Variants in KIF21A observed in about 807,000 individuals in gnomAD.
KIF21A encodes kinesin family member 21A.
Under a neutral mutation model 202.9 loss-of-function variants are expected in KIF21A, and 114 were observed. That is an observed-to-expected ratio of 0.56 (90% CI 0.48 to 0.66). KIF21A has a LOEUF of 0.66. Ranked by LOEUF, KIF21A falls within the 30% of genes least tolerant of loss-of-function variation. The probability of loss-of-function intolerance (pLI) is 0.00; values close to 1 mark genes in which losing one functional copy is unlikely to be tolerated. For missense variants in KIF21A, 1,677 were observed against 1,994.9 expected (o/e 0.84, Z 3.04); for synonymous variants, 667 against 670.8 (o/e 0.99, Z 0.09).
chr12:39,321,948 C>CACACAT (rs1301806163), intron 27 of KIF21A: 7 of 152,222 alleles, frequency 4.6e-5, no homozygotes, highest in Admixed American at 4.6e-4. Context: ...TATGTACACA[C>CACACAT]ACACATACAC....
intron 1 of KIF21A, among the ~76,000 whole-genome samples, chr12:39,383,412 T>A (rs1320042122): frequency 6.6e-6 from 1 of 152,214 alleles, no homozygotes; most frequent in Non-Finnish European, 1.5e-5. Context: ...TCCTGCTATA[T>A]CAACAAATGA....
chr12:39,322,942 G>A (rs1272023545), intron 26 of KIF21A, 60 bp from the exon 27 acceptor site: 3 of 1,264,064 alleles, frequency 2.4e-6, no homozygotes, highest in Admixed American at 2.1e-5. Flanking sequence ...AAGCTGATTA[G>A]AGAACAGAGA....
intron 31 of KIF21A, among the ~76,000 whole-genome samples, chr12:39,313,037 T>C (rs571902063): frequency 1.3e-5 from 2 of 151,948 alleles, no homozygotes; most frequent in Non-Finnish European, 2.9e-5. Flanking sequence ...ATCTTCGAGA[T>C]GCAAGAGGGC....
chr12:39,369,586 ACTAT>A, intron 3 of KIF21A, 139 bp downstream of exon 3: 1 of 640,978 alleles, frequency 1.6e-6, no homozygotes, highest in South Asian at 2.0e-5. Flanking sequence ...AGTTATTTCT[ACTAT>A]CTAATGTTAA....
intron 1 of KIF21A, among the ~76,000 whole-genome samples, chr12:39,380,029 G>A (rs796957777): frequency 1.6e-4 from 25 of 152,250 alleles, no homozygotes; most frequent in Admixed American, 1.1e-3. Context: ...GTGCAGTGGC[G>A]CTATCTCTGC....
chr12:39,327,290 T>TA lies in KIF21A; in HGVS notation c.3341-967dup, dbSNP rs148789297. Reference sequence around the variant, plus strand: ...GTTCTCTTCCTTTCTCATTGTTCAGTAATACTTGGTATTATTACCTAAAAT... The same window carrying TA: ...GTTCTCTTCCTTTCTCATTGTTCAGTAAATACTTGGTATTATTACCTAAAAT... On this transcript the variant is annotated intron_variant, in intron 24 of 37. Transcript: ENST00000361418. Among the ~76,000 whole-genome samples the TA allele has an allele frequency of 7.4e-4, 113 of 152,322 alleles. 1 individual carries two copies. Among genetic ancestry groups the TA allele is most frequent in the African/African-American group, 2.7e-3 (112 of 41,578 alleles).
At chr12:39,355,779 C>T (rs542138300) in intron 10 of KIF21A, among the ~76,000 whole-genome samples, 11 of 145,490 alleles carry the variant, frequency 7.6e-5, no homozygotes, top group African/African-American at 2.3e-4. Context: ...CACACACATA[C>T]ACAGAATAAA....
chr12:39,403,825 G>T (rs1344514480), intron 1 of KIF21A, among the ~76,000 whole-genome samples: 1 of 152,120 alleles, frequency 6.6e-6, no homozygotes, highest in Non-Finnish European at 1.5e-5. Flanking sequence ...CAGCTTAGTA[G>T]CAAAGTCTTA....
chr12:39,300,716 T>C (rs1198535788), intron 37 of KIF21A, among the ~76,000 whole-genome samples: 2 of 152,098 alleles, frequency 1.3e-5, no homozygotes, highest in African/African-American at 4.8e-5. Context: ...ATAATGTCAT[T>C]TATATATATA....
At chr12:39,383,888 G>C (rs536505821) in intron 1 of KIF21A, among the ~76,000 whole-genome samples, 2 of 152,274 alleles carry the variant, frequency 1.3e-5, no homozygotes, top group South Asian at 4.1e-4. Flanking sequence ...ACTTTAATGT[G>C]TACATGAATT....
At chr12:39,410,815 A>T (rs1418721251) in intron 1 of KIF21A, among the ~76,000 whole-genome samples, 1 of 152,176 alleles carries the variant, frequency 6.6e-6, no homozygotes, top group Non-Finnish European at 1.5e-5. Context: ...CAACAACAAA[A>T]AACCTCTATA....
chr12:39,320,654 G>T (rs1945116401), intron 27 of KIF21A, among the ~76,000 whole-genome samples: 1 of 151,360 alleles, frequency 6.6e-6, no homozygotes, highest in Non-Finnish European at 1.5e-5. Flanking sequence ...AAAAGTCTGG[G>T]CCAGGCATGG....
intron 14 of KIF21A, among the ~76,000 whole-genome samples, 171 bp from the exon 15 acceptor site, chr12:39,341,265 T>C (rs970910044): frequency 1.1e-4 from 16 of 152,134 alleles, no homozygotes; most frequent in Admixed American, 2.6e-4. Flanking sequence ...ATAAAGAGTG[T>C]TCATTTTGGT....
At position 39,408,327 on chromosome 12, in the gene KIF21A, A is replaced by G. The variant is rs527749212; in HGVS notation, c.44+34600T>C. On this transcript the variant is annotated intron_variant, in intron 1 of 37. Transcript: ENST00000361418. ...GCAATAAGGTTCATACTCCTATGATAATTTAATGCCACCACTGATCTGACA... is the reference window on the plus strand; with the variant it reads ...GCAATAAGGTTCATACTCCTATGATGATTTAATGCCACCACTGATCTGACA... 2.0e-4 allele frequency among the ~76,000 whole-genome samples: 30 copies of G among 152,230 alleles called. No individual in the cohort carries two copies. The South Asian group carries it at 6.2e-3, about 32-fold the overall frequency.
chr12:39,352,098 T>C, intron 10 of KIF21A, 118 bp from the exon 11 acceptor site: 1 of 772,432 alleles, frequency 1.3e-6, no homozygotes, highest in Non-Finnish European at 2.2e-6. Context: ...ACTAAGCAAA[T>C]CTATATTGTT....
At chr12:39,388,374 A>T (rs1423071666) in intron 1 of KIF21A, among the ~76,000 whole-genome samples, 1 of 152,208 alleles carries the variant, frequency 6.6e-6, no homozygotes, top group Non-Finnish European at 1.5e-5. Flanking sequence ...TGCTTCTTAC[A>T]GCGCGCAGAA....
rs543996010 is a variant in KIF21A, at chr12:39,308,760, A to G, written c.4277+826T>C. On this transcript the variant is annotated intron_variant, in intron 33 of 37. Coordinates refer to ENST00000361418, the MANE Select transcript of KIF21A (RefSeq NM_001173464.2). ...TTCAATTGAATTGGTAAATTCTAAC[A>G]TAAGATATATTATATCTTAATACAC... is the stretch of plus-strand genomic sequence containing the variant. Among the ~76,000 whole-genome samples, 5 of 152,254 alleles carry G rather than the reference A, an allele frequency of 3.3e-5. 1 individual carries two copies. The South Asian group carries it at 8.3e-4, about 25-fold the overall frequency.
chr12:39,334,192 C>T (rs950561900), intron 17 of KIF21A, among the ~76,000 whole-genome samples: 6 of 118,178 alleles, frequency 5.1e-5, no homozygotes, highest in African/African-American at 1.8e-4. Context: ...CACAGTGAGA[C>T]TCCATCTCAA....
intron 17 of KIF21A, among the ~76,000 whole-genome samples, chr12:39,334,543 G>C (rs1946798988): frequency 6.7e-6 from 1 of 150,258 alleles, no homozygotes; most frequent in South Asian, 2.1e-4. Flanking sequence ...AAATTAATAT[G>C]TTTTTTAATT....
Sources: allele counts gnomAD v4.1 joint callset (sites outside exome capture counted in the v4.1 genomes callset), GRCh38; gene constraint gnomAD v4.1.1; transcripts MANE v1.5; gene names NCBI Gene and HGNC (gene_info 2026-07-23, HGNC 2026-07-21).